B3GALT1: variants seen among roughly 807,000 people sequenced by gnomAD.
B3GALT1 encodes the protein beta-1,3-galactosyltransferase 1, also known as UDP-Gal:betaGlcNAc beta 1,3-galactosyltransferase, polypeptide 1.
A neutral mutation model predicts 23.2 loss-of-function variants in B3GALT1; 10 were observed. The observed-to-expected ratio is 0.43, with a 90% CI of 0.27 to 0.73. The LOEUF (loss-of-function observed/expected upper bound fraction) is 0.73, where lower values mean the gene tolerates loss of function less well. Among genes scored for constraint, B3GALT1 ranks in the 30% least tolerant of loss-of-function variants. The pLI, the probability that B3GALT1 is intolerant of heterozygous loss-of-function variation, is 0.21. For missense variants in B3GALT1, 299 were observed against 405.4 expected (o/e 0.74, Z 2.25); for synonymous variants, 156 against 141.5 (o/e 1.10, Z -0.73).
intron 2 of B3GALT1, among the ~76,000 whole-genome samples, chr2:167,514,973 CTTA>C (rs1485946339): frequency 1.3e-5 from 2 of 151,892 alleles, no homozygotes; most frequent in African/African-American, 4.8e-5. Flanking sequence ...TGATCATTAT[CTTA>C]TTATCATTAT....
At chr2:167,301,137 G>A (rs1297711538) in intron 1 of B3GALT1, among the ~76,000 whole-genome samples, 1 of 152,166 alleles carries the variant, frequency 6.6e-6, no homozygotes, top group Admixed American at 6.5e-5. Context: ...TCAAGGCAAT[G>A]AAAAACAAGA....
intron 2 of B3GALT1, among the ~76,000 whole-genome samples, chr2:167,501,014 A>T (rs1047699776): frequency 6.6e-6 from 1 of 152,138 alleles, no homozygotes; most frequent in East Asian, 1.9e-4. Context: ...TTCCTAGAGT[A>T]GAACAATAGA....
intron 1 of B3GALT1, among the ~76,000 whole-genome samples, chr2:167,382,266 A>G (rs1454466565): frequency 6.6e-6 from 1 of 151,690 alleles, no homozygotes; most frequent in Non-Finnish European, 1.5e-5. Flanking sequence ...AACTCTTCTC[A>G]TTTCCATTTA....
intron 3 of B3GALT1, among the ~76,000 whole-genome samples, chr2:167,717,879 T>C (rs1181718147): frequency 1.3e-5 from 2 of 152,232 alleles, no homozygotes; most frequent in African/African-American, 2.4e-5. Context: ...CGTCTGTCTC[T>C]ATGCAATTTA....
At chr2:167,503,314 C>G (rs1357071711) in intron 2 of B3GALT1, among the ~76,000 whole-genome samples, 1 of 152,016 alleles carries the variant, frequency 6.6e-6, no homozygotes. Flanking sequence ...GGTGCATATA[C>G]TTTAAATCAG....
intron 1 of B3GALT1, among the ~76,000 whole-genome samples, chr2:167,377,925 ATATAC>A (rs1329220146): frequency 6.6e-6 from 1 of 152,040 alleles, no homozygotes; most frequent in Non-Finnish European, 1.5e-5. Flanking sequence ...TTTGTGGGCT[ATATAC>A]TTATTTGTTT....
intron 1 of B3GALT1, among the ~76,000 whole-genome samples, chr2:167,375,882 G>C (rs1440880444): frequency 1.3e-5 from 2 of 152,156 alleles, no homozygotes; most frequent in Non-Finnish European, 2.9e-5. Flanking sequence ...AGTGGTGAGA[G>C]GAGGCATCCT....
chr2:167,564,322 G>A lies in B3GALT1; in HGVS notation c.-410+74045G>A, dbSNP rs368100465. On this transcript the variant is annotated intron_variant, in intron 2 of 4. Coordinates refer to ENST00000392690, the MANE Select transcript of B3GALT1 (RefSeq NM_020981.4). ...GATGTGATGGCGGCCGGGAAGAGGCGCTCCCCACCTCCTAGATGGGACGGC... is the reference window on the plus strand; with the variant it reads ...GATGTGATGGCGGCCGGGAAGAGGCACTCCCCACCTCCTAGATGGGACGGC... 6.1e-5 allele frequency among the ~76,000 whole-genome samples: 9 copies of A among 148,366 alleles called. 1 individual carries two copies. The South Asian group carries it at 8.6e-4, about 14-fold the overall frequency.
chr2:167,627,188 T>C (rs1685362278), intron 2 of B3GALT1, among the ~76,000 whole-genome samples: 1 of 151,646 alleles, frequency 6.6e-6, no homozygotes, highest in East Asian at 1.9e-4. Flanking sequence ...TTTTTTATAA[T>C]GTTTGCTTTT....
chr2:167,412,501 A>G (rs879718400), intron 1 of B3GALT1, among the ~76,000 whole-genome samples: 3 of 152,194 alleles, frequency 2.0e-5, no homozygotes, highest in Non-Finnish European at 4.4e-5. Flanking sequence ...AAATATGACA[A>G]TATATTCAAC....
At chr2:167,703,908 G>A (rs770553760) in intron 3 of B3GALT1, among the ~76,000 whole-genome samples, 36 of 152,156 alleles carry the variant, frequency 2.4e-4, no homozygotes, top group Admixed American at 1.8e-3. Flanking sequence ...AGGGCCCGGC[G>A]CGGTGGCTCA....
At position 167,458,561 on chromosome 2, in the gene B3GALT1, G is replaced by A. The variant is rs1029645321; in HGVS notation, c.-510-31616G>A. Among the ~76,000 whole-genome samples the A allele has an allele frequency of 2.0e-5, 3 of 152,062 alleles. No individual in the cohort carries two copies. The East Asian group carries it at 5.8e-4, about 29-fold the overall frequency. On this transcript the variant is annotated intron_variant, in intron 1 of 4. Coordinates refer to ENST00000392690, the MANE Select transcript of B3GALT1 (RefSeq NM_020981.4). ...TGTCTTCCACACCAGCTGTACTATTGTACGTTCCTACAGTGTACAAGGGTT... is the reference window on the plus strand; with the variant it reads ...TGTCTTCCACACCAGCTGTACTATTATACGTTCCTACAGTGTACAAGGGTT...
intron 1 of B3GALT1, among the ~76,000 whole-genome samples, chr2:167,355,356 T>G (rs1008179009): frequency 3.3e-5 from 5 of 152,308 alleles, no homozygotes; most frequent in African/African-American, 9.6e-5. Flanking sequence ...TTGCATTACA[T>G]GGGTGAGGAA....
chr2:167,455,785 T>TA (rs1699160746), intron 1 of B3GALT1, among the ~76,000 whole-genome samples: 1 of 152,174 alleles, frequency 6.6e-6, no homozygotes, highest in Non-Finnish European at 1.5e-5. Flanking sequence ...AGTGCTGGGA[T>TA]TAGAGACATG....
At chr2:167,782,447 A>G (rs1194582125) in intron 3 of B3GALT1, among the ~76,000 whole-genome samples, 2 of 152,140 alleles carry the variant, frequency 1.3e-5, no homozygotes, top group Non-Finnish European at 2.9e-5. Context: ...ACCTCAAGAA[A>G]TGTCAGCATC....
chr2:167,559,442 C>T (rs536983324), intron 2 of B3GALT1, among the ~76,000 whole-genome samples: 23 of 152,340 alleles, frequency 1.5e-4, no homozygotes, highest in East Asian at 3.9e-4. Flanking sequence ...AGCAACGAAA[C>T]GAAGCTGGAC....
intron 2 of B3GALT1, among the ~76,000 whole-genome samples, chr2:167,639,394 G>A (rs1685614341): frequency 6.6e-6 from 1 of 151,920 alleles, no homozygotes; most frequent in Non-Finnish European, 1.5e-5. Context: ...TAATCTAAAT[G>A]TTGAAGCTTA....
At chr2:167,373,555 AAG>A (rs1697717038) in intron 1 of B3GALT1, among the ~76,000 whole-genome samples, 1 of 152,164 alleles carries the variant, frequency 6.6e-6, no homozygotes, top group Non-Finnish European at 1.5e-5. Flanking sequence ...GAAAATAAAA[AAG>A]AGGTAGAGCA....
chr2:167,538,876 T>C (rs1683481813), intron 2 of B3GALT1, among the ~76,000 whole-genome samples: 1 of 152,094 alleles, frequency 6.6e-6, no homozygotes, highest in South Asian at 2.1e-4. Context: ...TGCTGATAGG[T>C]AATACAGTGT....
Sources: allele counts gnomAD v4.1 joint callset (sites outside exome capture counted in the v4.1 genomes callset), GRCh38; gene constraint gnomAD v4.1.1; transcripts MANE v1.5; gene names NCBI Gene and HGNC (gene_info 2026-07-23, HGNC 2026-07-21).